Variants in DLGAP2 observed in about 807,000 individuals in gnomAD.
DLGAP2 encodes DLG associated protein 2, also known as disks large-associated protein 2.
In DLGAP2, 26 loss-of-function variants were observed where a neutral mutation model predicts 100.3. The observed-to-expected ratio is 0.26, with a 90% CI of 0.19 to 0.36. The LOEUF is 0.36. Ranked by LOEUF, DLGAP2 falls within the 10% of genes least tolerant of loss-of-function variation. The pLI is 1.00. For synonymous variants in DLGAP2, 886 were observed against 630.1 expected (o/e 1.41, Z -6.08); for missense variants, 1,858 against 1,453.2 (o/e 1.28, Z -4.53).
intron 2 of DLGAP2, among the ~76,000 whole-genome samples, chr8:1,133,082 G>T (rs1796331137): frequency 6.6e-6 from 1 of 152,168 alleles, no homozygotes; most frequent in African/African-American, 2.4e-5. Context: ...CAGTTCAAGG[G>T]CAGTTTCCAG....
chr8:1,338,901 CAGTG>C (rs1401223280), intron 3 of DLGAP2, among the ~76,000 whole-genome samples: 1 of 64,348 alleles, frequency 1.6e-5, no homozygotes, highest in Non-Finnish European at 2.9e-5. Context: ...GCAGTGACCT[CAGTG>C]AGGCGTCAGG....
chr8:1,307,485 A>C (rs571933755), intron 3 of DLGAP2, among the ~76,000 whole-genome samples: 10 of 152,288 alleles, frequency 6.6e-5, no homozygotes, highest in African/African-American at 1.9e-4. Flanking sequence ...ATAAACATGG[A>C]ATTTTCCTAT....
chr8:1,204,572 A>G (rs1006292397), intron 2 of DLGAP2, among the ~76,000 whole-genome samples: 1 of 103,918 alleles, frequency 9.6e-6, no homozygotes, highest in Non-Finnish European at 1.7e-5. Context: ...ATATACACCT[A>G]TGATGTGATA....
intron 2 of DLGAP2, among the ~76,000 whole-genome samples, chr8:1,072,192 TC>T (rs954420914): frequency 3.9e-5 from 6 of 152,112 alleles, no homozygotes; most frequent in Non-Finnish European, 5.9e-5. Flanking sequence ...CGAGAGACAT[TC>T]CCCCAGGGAC....
intron 2 of DLGAP2, among the ~76,000 whole-genome samples, chr8:1,059,470 C>T (rs1349104523): frequency 1.3e-5 from 2 of 152,196 alleles, no homozygotes; most frequent in Non-Finnish European, 2.9e-5. Flanking sequence ...ACCCCAGGAG[C>T]TCCAGCCTCG....
chr8:1,199,249 A>T (rs1284532269), intron 2 of DLGAP2, among the ~76,000 whole-genome samples: 2 of 152,226 alleles, frequency 1.3e-5, no homozygotes, highest in Non-Finnish European at 2.9e-5. Context: ...AGCATGGCTG[A>T]ATAGATATCG....
intron 2 of DLGAP2, among the ~76,000 whole-genome samples, chr8:1,059,280 C>A (rs1481234658): frequency 6.6e-6 from 1 of 152,046 alleles, no homozygotes; most frequent in Non-Finnish European, 1.5e-5. Flanking sequence ...ACTCCATCCC[C>A]GAGGGCCTCC....
At chr8:1,057,891 T>A (rs1802930867) in intron 2 of DLGAP2, among the ~76,000 whole-genome samples, 1 of 152,214 alleles carries the variant, frequency 6.6e-6, no homozygotes, top group Non-Finnish European at 1.5e-5. Context: ...TTCTGGCTCT[T>A]ATTTTCCAGT....
intron 1 of DLGAP2, among the ~76,000 whole-genome samples, chr8:792,727 ATCTG>A (rs1795941142): frequency 6.6e-6 from 1 of 152,226 alleles, no homozygotes; most frequent in Admixed American, 6.5e-5. Context: ...CTTATTTGGT[ATCTG>A]TCTGATAGGA....
chr8:1,325,265 G>T (rs770927781), intron 3 of DLGAP2, among the ~76,000 whole-genome samples: 17 of 152,296 alleles, frequency 1.1e-4, no homozygotes, highest in African/African-American at 4.1e-4. Context: ...TGAGATGTCC[G>T]ATGGTCTCAC....
chr8:1,283,394 AAAAGG>A (rs1228056117), intron 3 of DLGAP2, among the ~76,000 whole-genome samples: 1 of 152,220 alleles, frequency 6.6e-6, no homozygotes, highest in East Asian at 1.9e-4. Context: ...CCACATTCAT[AAAAGG>A]CACGTGTCTT....
intron 1 of DLGAP2, among the ~76,000 whole-genome samples, chr8:752,822 T>C (rs572918292): frequency 6.6e-6 from 1 of 152,222 alleles, no homozygotes; most frequent in East Asian, 1.9e-4. Context: ...CCCAGGGCAC[T>C]GCACGTCGGG....
chr8:1,460,741 G>C (rs1237746892), intron 3 of DLGAP2, among the ~76,000 whole-genome samples: 1 of 152,206 alleles, frequency 6.6e-6, no homozygotes, highest in African/African-American at 2.4e-5. Flanking sequence ...TCTCTTTGGA[G>C]ACTTTGGGTT....
intron 4 of DLGAP2, among the ~76,000 whole-genome samples, chr8:1,547,094 G>A (rs971587107): frequency 2.0e-5 from 3 of 152,080 alleles, no homozygotes; most frequent in African/African-American, 4.8e-5. Context: ...GGCAGGACCC[G>A]GGCAGCGACA....
intron 3 of DLGAP2, chr8:1,369,183 T>G (rs1802179876): frequency 6.6e-6 from 1 of 152,162 alleles, no homozygotes; most frequent in African/African-American, 2.4e-5. Flanking sequence ...AGGCTGGTGT[T>G]CCTCTGCTGG....
At chr8:1,620,613 T>G (rs960714472) in intron 6 of DLGAP2, 35 of 152,370 alleles carry the variant, frequency 2.3e-4, no homozygotes, top group African/African-American at 8.2e-4. Context: ...TCTAGGCGCC[T>G]TGGAATCATC....
chr8:1,618,314 C>A (rs998666111), intron 6 of DLGAP2, among the ~76,000 whole-genome samples: 2 of 152,122 alleles, frequency 1.3e-5, no homozygotes, highest in African/African-American at 4.8e-5. Context: ...TTCTGTAGAC[C>A]CATAATGAAT....
At chr8:1,489,672 A>C (rs1004646322) in intron 3 of DLGAP2, among the ~76,000 whole-genome samples, 3 of 152,226 alleles carry the variant, frequency 2.0e-5, no homozygotes, top group Non-Finnish European at 4.4e-5. Flanking sequence ...AATTCCGCTC[A>C]TCAGAGCCCA....
intron 3 of DLGAP2, among the ~76,000 whole-genome samples, chr8:1,350,182 G>T (rs1202710234): frequency 6.6e-6 from 1 of 151,234 alleles, no homozygotes. Context: ...GCGTGGAAAG[G>T]CCGCGCGGGT....
Sources: allele counts gnomAD v4.1 joint callset (sites outside exome capture counted in the v4.1 genomes callset), GRCh38; gene constraint gnomAD v4.1.1; transcripts MANE v1.5; gene names NCBI Gene and HGNC (gene_info 2026-07-23, HGNC 2026-07-21).